The following PITPNM1 variants were observed in gnomAD, a reference collection of about 807,000 sequenced individuals.
PITPNM1 encodes membrane-associated phosphatidylinositol transfer protein 1.
PITPNM1 carries 74 observed loss-of-function variants against 133.3 expected under a neutral mutation model. The observed-to-expected ratio is 0.56, with a 90% confidence interval of 0.46 to 0.67. The LOEUF (loss-of-function observed/expected upper bound fraction) is 0.67. PITPNM1 is among the 30% of genes least tolerant of loss of function. The pLI is 0.00. For missense variants in PITPNM1, 1,398 were observed against 1,739.5 expected, an observed-to-expected ratio of 0.80 and a Z score of 3.49; for synonymous variants, 738 against 741.4, an observed-to-expected ratio of 1.00 and a Z score of 0.08.
intron 5 of PITPNM1, 113 bp downstream of exon 5, chr11:67,501,749 G>T: frequency 1.1e-6 from 1 of 934,464 alleles, no homozygotes. Flanking sequence ...CACCTCAAAT[G>T]GAAACGATGG....
rs758966879 is a variant in PITPNM1, at chr11:67,502,355, C to T, written c.352G>A (p.Asp118Asn). The change falls in exon 4 of 24, where the codon GAT becomes AAT. Residue 118 changes from aspartate to asparagine, a missense_variant. By Grantham distance (23) the Asp-to-Asn change is conservative. Around this residue, in one of 5 missense-constraint regions of PITPNM1, gnomAD observed 274 missense variants for 360.7 expected, o/e 0.76. Transcript: ENST00000356404. This position sits in a 1 kb window ranked among gnomAD's most constrained non-coding sequence, Gnocchi z 5.9. ...AAGACGTTTGGCTGCTGCCCCCCAT[C>T]AGGCAGGTAATAGGTCTCAATTTCA... ...SIEIETYYLP[D>N]GGQQPNVFNL... The T allele has an allele frequency of 9.9e-6, 16 of 1,613,684 alleles. No individual in the cohort carries two copies. The highest frequency in any genetic ancestry group is 8.5e-7 in the Non-Finnish European group (1 of 1,180,036).
chr11:67,493,429 A>G lies in PITPNM1; in HGVS notation c.3323T>C (p.Leu1108Pro), dbSNP rs866142408. Residue 1108 changes from leucine (L) to proline (P), a missense_variant, in exon 22 of 24, where the codon CTG (leucine) becomes CCG (proline). Leu to Pro is a moderately conservative substitution (Grantham distance 98). Around this residue, in one of 5 missense-constraint regions of PITPNM1, gnomAD observed 233 missense variants for 378.0 expected, o/e 0.62. Transcript: ENST00000356404. ...CCGCACCTCCTGCACCAGGCTCTGC[A>G]GAAACATTGCCTTCTGGCGTAGTGG... ...HDPLRQKAMFLQSLVQEVELN... is the reference protein window; with the variant it reads ...HDPLRQKAMFPQSLVQEVELN... 2 of 1,596,666 alleles carry G rather than the reference A, an allele frequency of 1.3e-6. No homozygotes were observed. The highest frequency in any genetic ancestry group is 3.3e-4 in the Middle Eastern group (2 of 6,026).
Position 67,498,021 on chromosome 11 carries a change from C to T in PITPNM1, c.1678G>A (p.Ala560Thr), listed in dbSNP as rs202115767. ...PEGAGFCGQV[A>T]LIGDGVGGIL... The stretch of plus-strand genomic sequence containing the variant: ...CCACCAACACCATCTCCAATCAGTG[C>T]GACCTGGGTGGGAGCAGGGGCACCA... Residue 560 changes from alanine (A) to threonine (T), a missense_variant, in exon 12 of 24, where the codon GCA becomes ACA. Coordinates refer to ENST00000356404, the MANE Select transcript of PITPNM1 (RefSeq NM_004910.3). This position sits in a 1 kb window ranked among gnomAD's most constrained non-coding sequence, Gnocchi z 5.7. 8.0e-5 allele frequency: 128 copies of T among 1,609,794 alleles called. No homozygotes were observed. The highest frequency in any genetic ancestry group is 9.7e-5 in the Non-Finnish European group (115 of 1,179,794).
rs754854381 is a variant in PITPNM1 at position 67,493,472 on chromosome 11, C to T, written c.3280G>A (p.Asp1094Asn). Residue 1094 changes from aspartate to asparagine, a missense_variant, in exon 22 of 24, where the codon GAC (aspartate) becomes AAC (asparagine). Around this residue, in one of 5 missense-constraint regions of PITPNM1, gnomAD observed 233 missense variants for 378.0 expected, o/e 0.62. Transcript: ENST00000356404. ...CGTAGTGGGTCGTGGGTGAGGCCGT[C>T]GCAGAAGGAGACGACGCCGTGGGGG... ...NFPHGVVSFC[D>N]GLTHDPLRQK... The T allele has an allele frequency of 2.5e-6, 4 of 1,605,466 alleles. No individual in the cohort carries two copies. The highest frequency in any genetic ancestry group is 1.3e-5 in the African/African-American group (1 of 74,964).
Position 67,499,903 on chromosome 11 carries a change from T to G in PITPNM1, c.1063+11A>C, listed in dbSNP as rs373208393. The G allele has an allele frequency of 2.2e-5, 35 of 1,610,006 alleles. No homozygotes were observed. The highest frequency in any genetic ancestry group is 2.9e-5 in the Non-Finnish European group (34 of 1,177,850). On this transcript the variant is annotated intron_variant, in intron 7 of 23. Coordinates refer to ENST00000356404, the MANE Select transcript of PITPNM1 (RefSeq NM_004910.3). Reference sequence around the variant, plus strand: ...GACATCCCCACTCCCAAAAAGGGCCTCAGTGCTGACCGTGGGCATCAAAGA... The same window carrying G: ...GACATCCCCACTCCCAAAAAGGGCCGCAGTGCTGACCGTGGGCATCAAAGA...
Position 67,495,227 on chromosome 11 carries a change from T to C in PITPNM1, c.2483-2A>G. The stretch of plus-strand genomic sequence containing the variant: ...TGGTCCCCCACCAGCGCTCCAGGAC[T>C]GCGCGGCCATGGCAGCGAGTCAGGA... On this transcript the variant is annotated splice_acceptor_variant, in intron 16 of 23. Transcript: ENST00000356404. LOFTEE classifies it high-confidence loss of function. 1 of 1,580,964 alleles carries C rather than the reference T, an allele frequency of 6.3e-7. No individual in the cohort carries two copies. Among genetic ancestry groups the C allele is most frequent in the Non-Finnish European group, 8.6e-7 (1 of 1,159,380 alleles).
chr11:67,492,976 G>A lies in PITPNM1; in HGVS notation c.3429C>T (p.Tyr1143=), dbSNP rs1411567363. The A allele has an allele frequency of 3.1e-6, 5 of 1,612,882 alleles. No homozygotes were observed. The part of the protein sequence containing the change: ...AALGLSPSQT[Y]IVGRAVRKLQ... Reference sequence around the variant, plus strand: ...GCTTCCGCACGGCACGGCCCACGATGTAGGTCTGGCTCGGGGACAGCCCCA... The same window carrying A: ...GCTTCCGCACGGCACGGCCCACGATATAGGTCTGGCTCGGGGACAGCCCCA... Residue 1143 remains tyrosine, a synonymous_variant, in exon 23 of 24, where the codon TAC becomes TAT. Coordinates refer to ENST00000356404, the MANE Select transcript of PITPNM1 (RefSeq NM_004910.3).
rs1373512346 is a variant in PITPNM1, at chr11:67,504,704, G to A, written c.-41-483C>T. The A allele has an allele frequency of 6.6e-6, 1 of 152,302 alleles. No homozygotes were observed. The highest frequency in any genetic ancestry group is 2.4e-5 in the African/African-American group (1 of 41,444). The allele number at this position is 152,302 out of a possible 1,614,324, so 9.4% of individuals were successfully genotyped here. A position where few individuals can be genotyped will look rare whatever the true frequency, so the allele number is the denominator to read the frequency against. ...TCCCCCACTCTCGGACGTCCACCTAGAGCTTTGTTCCCCGAGTGTCTCTGC... is the reference window on the plus strand; with the variant it reads ...TCCCCCACTCTCGGACGTCCACCTAAAGCTTTGTTCCCCGAGTGTCTCTGC... On this transcript the variant is annotated intron_variant, in intron 1 of 23. Transcript: ENST00000356404. The surrounding 1 kb of genome is among the most constrained non-coding windows in gnomAD (Gnocchi z 5.4).
At position 67,497,876 on chromosome 11, in the gene PITPNM1, G is replaced by A. The variant is rs944834955; in HGVS notation, c.1782+41C>T. 4.4e-6 allele frequency: 7 copies of A among 1,576,538 alleles called. No homozygotes were observed. In the Admixed American group the frequency reaches 5.0e-5, roughly 11 times the overall value. On this transcript the variant is annotated intron_variant, in intron 12 of 23. Coordinates refer to ENST00000356404, the MANE Select transcript of PITPNM1 (RefSeq NM_004910.3). ...GGGCAGAGACCTAGAGCCAGAGAGG[G>A]CCTTTCCGCTCCTGAGGAGGCCGGG... is the stretch of plus-strand genomic sequence containing the variant.
chr11:67,502,109 G>C lies in PITPNM1; in HGVS notation c.416-23C>G, dbSNP rs1866339106. On this transcript the variant is annotated intron_variant, in intron 4 of 23. Coordinates refer to ENST00000356404, the MANE Select transcript of PITPNM1 (RefSeq NM_004910.3). This position sits in a 1 kb window ranked among gnomAD's most constrained non-coding sequence, Gnocchi z 5.9. ...TGTCTGAGGGAGTTCGGCAAGCATT[G>C]AGCAGCGCCAGCCCCTTTGAGCCCC... 2 of 1,603,094 alleles carry C rather than the reference G, an allele frequency of 1.2e-6. No individual in the cohort carries two copies. The highest frequency in any genetic ancestry group is 8.5e-7 in the Non-Finnish European group (1 of 1,173,284).
In PITPNM1 at chr11:67,491,928, G is replaced by A. The variant is rs533561593; in HGVS notation, c.*105C>T. 1.6e-6 allele frequency: 2 copies of A among 1,283,598 alleles called. No individual in the cohort carries two copies. Among genetic ancestry groups the A allele is most frequent in the Admixed American group, 2.1e-5 (1 of 47,652 alleles). The allele number at this position is 1,283,598 out of a possible 1,614,324, so 79.5% of individuals were successfully genotyped here. The stretch of plus-strand genomic sequence containing the variant: ...GAGATATAGGGTGTGGGGCTGGGGG[G>A]GCCAGCGCTGGGGCCAAAAGTCTGG... On this transcript the variant is annotated 3_prime_UTR_variant, in exon 24 of 24. Transcript: ENST00000356404.
intron 12 of PITPNM1, 92 bp from the exon 13 acceptor site, chr11:67,497,771 G>A (rs1360130543): frequency 6.5e-7 from 1 of 1,547,728 alleles, no homozygotes; most frequent in Non-Finnish European, 8.8e-7. Context: ...TGGGGGTTGG[G>A]CAGAGCAGAA....
In PITPNM1 at chr11:67,494,371, G is replaced by A. The variant is rs761964748; in HGVS notation, c.2743-11C>T. 6.3e-6 allele frequency: 10 copies of A among 1,576,342 alleles called. No homozygotes were observed. The Admixed American group carries it at 1.8e-4, about 28-fold the overall frequency. ...GTTGGAAGTGACGTTCTAGAGGGAGGAGAGGGCGTGAGTCCGCGGCCAGCA... is the reference window on the plus strand; with the variant it reads ...GTTGGAAGTGACGTTCTAGAGGGAGAAGAGGGCGTGAGTCCGCGGCCAGCA... On this transcript the variant is annotated splice_polypyrimidine_tract_variant and intron_variant, in intron 18 of 23. Transcript: ENST00000356404.
intron 12 of PITPNM1, 70 bp downstream of exon 12, chr11:67,497,847 C>A: frequency 6.6e-7 from 1 of 1,508,838 alleles, no homozygotes; most frequent in Admixed American, 1.8e-5. Context: ...GGTGGCATTC[C>A]AGGGGGCAGA....
At position 67,491,985 on chromosome 11, in the gene PITPNM1, C is replaced by T. The variant is rs1290680179; in HGVS notation, c.*48G>A. ...AGCCTCCCACACGCAGCCCCTCGGGCCCCTTGGGTGTGTCAATAAATAACC... is the reference window on the plus strand; with the variant it reads ...AGCCTCCCACACGCAGCCCCTCGGGTCCCTTGGGTGTGTCAATAAATAACC... On this transcript the variant is annotated 3_prime_UTR_variant, in exon 24 of 24. Transcript: ENST00000356404. The T allele has an allele frequency of 6.3e-7, 1 of 1,585,386 alleles. No homozygotes were observed. The highest frequency in any genetic ancestry group is 8.6e-7 in the Non-Finnish European group (1 of 1,163,942).
chr11:67,504,214 C>T lies in PITPNM1; in HGVS notation c.-34G>A. ...CGCTCGGCGGGCCGCGCGCGGCCTC[C>T]GCTCCTCCTGGCGCAGGGCACGGCG... On this transcript the variant is annotated 5_prime_UTR_variant, in exon 2 of 24. Coordinates refer to ENST00000356404, the MANE Select transcript of PITPNM1 (RefSeq NM_004910.3). The surrounding 1 kb of genome is among the most constrained non-coding windows in gnomAD (Gnocchi z 5.4). The T allele has an allele frequency of 6.5e-7, 1 of 1,538,690 alleles. No homozygotes were observed.
rs773160182 is a variant in PITPNM1 at position 67,494,329 on chromosome 11, G to A, written c.2774C>T (p.Thr925Met). The change falls in exon 19 of 24, where the codon ACG (threonine) becomes ATG (methionine). Residue 925 changes from threonine to methionine, a missense_variant. Around this residue, in one of 5 missense-constraint regions of PITPNM1, gnomAD observed 233 missense variants for 378.0 expected, o/e 0.62. Transcript: ENST00000356404. ...NVTSNHRASD[T>M]VVCEGRPQVL... ...CTGGGGGCGGCCCTCGCACACCACC[G>A]TGTCGCTCGCCCGGTGGTTGGAAGT... 1.2e-5 allele frequency: 20 copies of A among 1,609,950 alleles called. No homozygotes were observed. Among genetic ancestry groups the A allele is most frequent in the South Asian group, 9.9e-5 (9 of 90,784 alleles).
Position 67,502,851 on chromosome 11 carries a change from GC to G in PITPNM1, c.79-134del. On this transcript the variant is annotated intron_variant, in intron 2 of 23. Transcript: ENST00000356404. The surrounding 1 kb of genome is among the most constrained non-coding windows in gnomAD (Gnocchi z 5.9). ...TTTCAACTCCCTGAAACCAGACCCCGCCCCACCAAAGCTCCCTGGGATCAGA... is the reference window on the plus strand; with the variant it reads ...TTTCAACTCCCTGAAACCAGACCCCGCCCACCAAAGCTCCCTGGGATCAGA... 1 of 830,430 alleles carries G rather than the reference GC, an allele frequency of 1.2e-6. No homozygotes were observed. Among genetic ancestry groups the G allele is most frequent in the South Asian group, 1.7e-5 (1 of 58,354 alleles). The allele number at this position is 830,430 out of a possible 1,614,324, so 51.4% of individuals were successfully genotyped here. A position where few individuals can be genotyped will look rare whatever the true frequency, so the allele number is the denominator to read the frequency against.
intron 8 of PITPNM1, 65 bp from the exon 9 acceptor site, chr11:67,499,066 T>G: frequency 6.6e-7 from 1 of 1,505,720 alleles, no homozygotes; most frequent in South Asian, 1.2e-5. Context: ...ATCTGGCACT[T>G]CAGGCACCCC....
Sources: gnomAD v4.1 joint callset for allele counts on GRCh38, gnomAD v4.1.1 for gene constraint, gnomAD v4.1.1 regional missense constraint, Gnocchi (gnomAD v3.1) non-coding constraint, MANE v1.5 for transcripts, NCBI Gene and HGNC (gene_info 2026-07-23, HGNC 2026-07-21) for gene names.